The following NKAIN3 variants were observed in gnomAD, a reference collection of about 807,000 sequenced individuals.
NKAIN3 encodes the protein sodium/potassium transporting ATPase interacting 3, also known as sodium/potassium-transporting ATPase subunit beta-1-interacting protein 3.
In NKAIN3, 25 loss-of-function variants were observed where a neutral mutation model predicts 30.2. The ratio of observed to expected loss-of-function variants is 0.83; its 90% confidence interval spans 0.60 to 1.16. NKAIN3 has a LOEUF of 1.16. Ranked by LOEUF, NKAIN3 falls within the 50% of genes most tolerant of loss-of-function variation. The pLI, the probability that NKAIN3 is intolerant of heterozygous loss-of-function variation, is 0.00. For missense variants in NKAIN3, 225 were observed against 254.1 expected (o/e 0.89, Z 0.78); for synonymous variants, 91 against 89.6 (o/e 1.02, Z -0.09).
In NKAIN3 at chr8:62,361,010, TAAAAAA is replaced by T. The variant is rs3085311; in HGVS notation, c.54+111899_54+111904del. ...AAATAGCCTACTGACATTCCCCAGC[TAAAAAA>T]AAAAAAAAAAAAAAATGGCAGAAGG... On this transcript the variant is annotated intron_variant, in intron 1 of 6. Coordinates refer to ENST00000623646, the MANE Select transcript of NKAIN3 (RefSeq NM_001304533.3). 7.0e-3 allele frequency among the ~76,000 whole-genome samples: 1,017 copies of T among 145,920 alleles called. 5 individuals are homozygous for T. The highest frequency in any genetic ancestry group is 0.011 in the Middle Eastern group (3 of 266).
intron 5 of NKAIN3, among the ~76,000 whole-genome samples, chr8:62,925,266 A>C (rs558718194): frequency 6.6e-6 from 1 of 152,270 alleles, no homozygotes; most frequent in Non-Finnish European, 1.5e-5. Context: ...AAATCAGTGC[A>C]TATTTGTTAT....
intron 1 of NKAIN3, among the ~76,000 whole-genome samples, chr8:62,327,440 A>T (rs1175417310): frequency 6.6e-6 from 1 of 152,050 alleles, no homozygotes; most frequent in African/African-American, 2.4e-5. Context: ...TAAGAATTTC[A>T]TAGGTTAGCT....
intron 5 of NKAIN3, among the ~76,000 whole-genome samples, chr8:62,995,292 G>A (rs1397957579): frequency 1.3e-5 from 2 of 152,166 alleles, no homozygotes; most frequent in Admixed American, 6.5e-5. Context: ...GGTGAGAAGT[G>A]GATATTTCAA....
intron 1 of NKAIN3, among the ~76,000 whole-genome samples, chr8:62,493,925 T>A (rs534009453): frequency 6.6e-6 from 1 of 152,046 alleles, no homozygotes; most frequent in South Asian, 2.1e-4. Flanking sequence ...AGCTTTTGGG[T>A]CGAGACTCTA....
rs73261490 is a variant in NKAIN3, at chr8:62,464,087, G to A, written c.55-115452G>A. On this transcript the variant is annotated intron_variant, in intron 1 of 6. Transcript: ENST00000623646. Reference sequence around the variant, plus strand: ...TAGTGAATCACAATGCACCACTGTTGCCTTCTTTAGTTCGACAAATGTACC... The same window carrying A: ...TAGTGAATCACAATGCACCACTGTTACCTTCTTTAGTTCGACAAATGTACC... 8.6e-3 allele frequency among the ~76,000 whole-genome samples: 1,303 copies of A among 152,270 alleles called. 8 individuals carry two copies. Among genetic ancestry groups the A allele is most frequent in the African/African-American group, 0.029 (1,215 of 41,552 alleles).
chr8:62,251,418 C>T (rs1324095636), intron 1 of NKAIN3, among the ~76,000 whole-genome samples: 30 of 151,934 alleles, frequency 2.0e-4, no homozygotes, highest in African/African-American at 2.4e-5. Flanking sequence ...TACAGCCATT[C>T]AATTTTGGCA....
chr8:62,866,651 C>T lies in NKAIN3; in HGVS notation c.472-51802C>T, dbSNP rs543412104. 5.3e-5 allele frequency among the ~76,000 whole-genome samples: 8 copies of T among 152,040 alleles called. No individual in the cohort carries two copies. In the South Asian group the frequency reaches 1.0e-3, roughly 20 times the overall value. On this transcript the variant is annotated intron_variant, in intron 4 of 6. Transcript: ENST00000623646. ...AAGGTGCCTCATTTTTTACTTTGTCCATTAACATTTATCCATATGCCTTTG... is the reference window on the plus strand; with the variant it reads ...AAGGTGCCTCATTTTTTACTTTGTCTATTAACATTTATCCATATGCCTTTG...
intron 1 of NKAIN3, chr8:62,344,796 T>G (rs1430586835): frequency 4.8e-6 from 2 of 420,018 alleles, no homozygotes; most frequent in African/African-American, 4.1e-5. Context: ...TAGAGTCTTT[T>G]GTAGTTCCAT....
intron 2 of NKAIN3, among the ~76,000 whole-genome samples, chr8:62,584,438 C>T (rs1485562142): frequency 6.6e-5 from 10 of 152,174 alleles, no homozygotes; most frequent in African/African-American, 2.4e-5. Flanking sequence ...AATTGATCAC[C>T]TTTATGAAAA....
intron 4 of NKAIN3, among the ~76,000 whole-genome samples, chr8:62,797,543 G>A (rs948499778): frequency 1.3e-5 from 2 of 152,072 alleles, no homozygotes; most frequent in African/African-American, 2.4e-5. Flanking sequence ...CCCTCAGCTC[G>A]CAGGGCCTTA....
intron 4 of NKAIN3, among the ~76,000 whole-genome samples, chr8:62,819,112 C>A (rs1818774398): frequency 6.8e-6 from 1 of 146,854 alleles, no homozygotes; most frequent in Non-Finnish European, 1.5e-5. Context: ...GTTAATAATA[C>A]TGGGAGTTAC....
intron 1 of NKAIN3, among the ~76,000 whole-genome samples, chr8:62,409,359 T>C (rs1424144944): frequency 6.6e-6 from 1 of 152,100 alleles, no homozygotes; most frequent in Non-Finnish European, 1.5e-5. Context: ...TAATTTTGTA[T>C]TTTTAGTAGA....
chr8:62,859,373 G>A (rs1331311507), intron 4 of NKAIN3, among the ~76,000 whole-genome samples: 2 of 151,738 alleles, frequency 1.3e-5, no homozygotes, highest in Non-Finnish European at 2.9e-5. Flanking sequence ...TAACACAGAG[G>A]TATCTACTTT....
intron 1 of NKAIN3, among the ~76,000 whole-genome samples, chr8:62,578,648 T>G (rs921587301): frequency 8.7e-6 from 1 of 114,544 alleles, no homozygotes; most frequent in African/African-American, 2.9e-5. Flanking sequence ...AGGTAGAAGG[T>G]TTTTTTTGTT....
chr8:62,590,438 C>T lies in NKAIN3; in HGVS notation c.273+644C>T, dbSNP rs115728669. On this transcript the variant is annotated intron_variant, in intron 3 of 6. Coordinates refer to ENST00000623646, the MANE Select transcript of NKAIN3 (RefSeq NM_001304533.3). Reference sequence around the variant, plus strand: ...TTATGCCTCCTGCAAAAATGTCTCACCACCCAAATGTAAGAACAACTTAAG... The same window carrying T: ...TTATGCCTCCTGCAAAAATGTCTCATCACCCAAATGTAAGAACAACTTAAG... Among the ~76,000 whole-genome samples, 518 of 151,952 alleles carry T rather than the reference C, an allele frequency of 3.4e-3. 2 individuals carry two copies. The highest frequency in any genetic ancestry group is 0.011 in the African/African-American group (453 of 41,536).
intron 4 of NKAIN3, among the ~76,000 whole-genome samples, chr8:62,861,773 A>G (rs562484517): frequency 2.6e-5 from 4 of 152,126 alleles, no homozygotes; most frequent in Admixed American, 6.5e-5. Flanking sequence ...CTACCCATCT[A>G]TTGTCTTTCC....
At chr8:62,809,410 CA>C (rs1818412325) in intron 4 of NKAIN3, among the ~76,000 whole-genome samples, 1 of 152,078 alleles carries the variant, frequency 6.6e-6, no homozygotes, top group Non-Finnish European at 1.5e-5. Context: ...TAAAGACAGG[CA>C]TAAGAAATTA....
At chr8:62,342,588 A>T (rs989577230) in intron 1 of NKAIN3, among the ~76,000 whole-genome samples, 9 of 152,050 alleles carry the variant, frequency 5.9e-5, no homozygotes, top group African/African-American at 2.2e-4. Context: ...CCAGTGTGGA[A>T]GCCTGAGACT....
chr8:62,854,035 C>G (rs1258289452), intron 4 of NKAIN3, among the ~76,000 whole-genome samples: 1 of 152,112 alleles, frequency 6.6e-6, no homozygotes, highest in Non-Finnish European at 1.5e-5. Flanking sequence ...ATTTTGAGTT[C>G]TAATTTGATT....
Sources: allele counts gnomAD v4.1 joint callset (sites outside exome capture counted in the v4.1 genomes callset), GRCh38; gene constraint gnomAD v4.1.1; transcripts MANE v1.5; gene names NCBI Gene and HGNC (gene_info 2026-07-23, HGNC 2026-07-21).